The following PCLO variants were observed in gnomAD, a reference collection of about 807,000 sequenced individuals.
PCLO encodes the protein piccolo presynaptic cytomatrix protein.
PCLO carries 82 observed loss-of-function variants against 427.5 expected under a neutral mutation model. The observed-to-expected ratio is 0.19, with a 90% confidence interval of 0.16 to 0.23. The LOEUF is 0.23. Ranked by LOEUF, PCLO falls within the 10% of genes least tolerant of loss-of-function variation. PCLO has a pLI of 1.00. For synonymous variants in PCLO, 2,357 were observed against 2,155.4 expected (o/e 1.09, Z -2.59); for missense variants, 6,239 against 6,115.9 (o/e 1.02, Z -0.67).
intron 3 of PCLO, among the ~76,000 whole-genome samples, chr7:83,019,787 A>G (rs1367606533): frequency 6.6e-6 from 1 of 152,092 alleles, no homozygotes; most frequent in African/African-American, 2.4e-5. Context: ...CACTATTTCT[A>G]CAGAATAAAT....
intron 22 of PCLO, among the ~76,000 whole-genome samples, chr7:82,780,545 GTTTGTT>G (rs1229965632): frequency 6.6e-6 from 1 of 151,150 alleles, no homozygotes; most frequent in Non-Finnish European, 1.5e-5. Flanking sequence ...GTTTGTTTTT[GTTTGTT>G]TGTTTGTTTT....
intron 22 of PCLO, among the ~76,000 whole-genome samples, chr7:82,792,680 A>G (rs1159856427): frequency 1.3e-5 from 2 of 152,120 alleles, no homozygotes; most frequent in Non-Finnish European, 2.9e-5. Context: ...CACATCTCAC[A>G]TATCTCAACC....
At chr7:82,789,402 T>C (rs984950202) in intron 22 of PCLO, among the ~76,000 whole-genome samples, 1 of 152,172 alleles carries the variant, frequency 6.6e-6, no homozygotes, top group African/African-American at 2.4e-5. Flanking sequence ...ATTATCTATA[T>C]AAAGCTAAGA....
intron 3 of PCLO, among the ~76,000 whole-genome samples, chr7:83,024,531 G>A (rs893921396): frequency 6.6e-6 from 1 of 152,118 alleles, no homozygotes; most frequent in Non-Finnish European, 1.5e-5. Flanking sequence ...GCTGGGGGAG[G>A]GGCGCCCGCC....
intron 20 of PCLO, among the ~76,000 whole-genome samples, chr7:82,814,260 T>C (rs1477290480): frequency 2.0e-5 from 3 of 151,574 alleles, no homozygotes; most frequent in African/African-American, 4.8e-5. Context: ...TCTTAATAAT[T>C]ATAAATTAAC....
At chr7:82,806,919 G>C (rs925677565) in intron 20 of PCLO, among the ~76,000 whole-genome samples, 3 of 150,186 alleles carry the variant, frequency 2.0e-5, no homozygotes, top group Non-Finnish European at 4.4e-5. Context: ...CTGTCTTTGA[G>C]CTTAAATAGT....
rs534349637 is a variant in PCLO, at chr7:82,896,857, G to A, written c.13528+5794C>T. On this transcript the variant is annotated intron_variant, in intron 9 of 24. Coordinates refer to ENST00000333891, the MANE Select transcript of PCLO (RefSeq NM_033026.6). ...CTTTTCAAACTTAACAACATTTTTA[G>A]TGTTCTTCACTATTATAATTGCTAA... Among the ~76,000 whole-genome samples, 4 of 151,674 alleles carry A rather than the reference G, an allele frequency of 2.6e-5. No homozygotes were observed. The South Asian group carries it at 8.3e-4, about 31-fold the overall frequency.
At chr7:82,888,827 T>C (rs935851680) in intron 9 of PCLO, among the ~76,000 whole-genome samples, 1 of 152,070 alleles carries the variant, frequency 6.6e-6, no homozygotes, top group African/African-American at 2.4e-5. Context: ...GTTAAGTAGA[T>C]AAGTCACTGA....
Position 82,847,121 on chromosome 7 carries a change from A to G in PCLO, c.13763+18T>C. Reference sequence around the variant, plus strand: ...GGATAGCCAAAAAATGGAAACAGAAAGATGGGGAAAAACTCACAGTCTTAC... The same window carrying G: ...GGATAGCCAAAAAATGGAAACAGAAGGATGGGGAAAAACTCACAGTCTTAC... On this transcript the variant is annotated intron_variant, in intron 11 of 24. Transcript: ENST00000333891. 4 of 1,395,650 alleles carry G rather than the reference A, an allele frequency of 2.9e-6. No individual in the cohort carries two copies. The highest frequency in any genetic ancestry group is 4.0e-6 in the Non-Finnish European group (4 of 990,594). The allele number at this position is 1,395,650 out of a possible 1,614,324, so 86.5% of individuals were successfully genotyped here.
At chr7:82,888,065 A>G (rs1793669882) in intron 9 of PCLO, among the ~76,000 whole-genome samples, 2 of 151,130 alleles carry the variant, frequency 1.3e-5, no homozygotes, top group Admixed American at 1.3e-4. Context: ...GTAAGGCTCC[A>G]CCTCAAAACA....
intron 3 of PCLO, among the ~76,000 whole-genome samples, chr7:83,024,527 G>A (rs1046266021): frequency 2.6e-5 from 4 of 152,168 alleles, no homozygotes; most frequent in African/African-American, 7.2e-5. Flanking sequence ...CCAGGCTGGG[G>A]GAGGGGCGCC....
At chr7:83,113,087 A>T (rs534273686) in intron 3 of PCLO, among the ~76,000 whole-genome samples, 1 of 152,358 alleles carries the variant, frequency 6.6e-6, no homozygotes, top group Admixed American at 6.5e-5. Context: ...ATTGAGCTTT[A>T]GCAAGCGCCA....
At chr7:82,958,624 C>T (rs562669153) in intron 4 of PCLO, among the ~76,000 whole-genome samples, 4 of 152,224 alleles carry the variant, frequency 2.6e-5, no homozygotes, top group African/African-American at 9.6e-5. Flanking sequence ...AAACTAATGC[C>T]TACTCTTCAG....
intron 20 of PCLO, among the ~76,000 whole-genome samples, chr7:82,811,303 A>G (rs1019080592): frequency 9.2e-5 from 14 of 151,496 alleles, no homozygotes; most frequent in Non-Finnish European, 1.2e-4. Flanking sequence ...TTTAGCTAGT[A>G]TTTACTTCAG....
chr7:83,107,856 G>A (rs1324421563), intron 3 of PCLO, among the ~76,000 whole-genome samples: 1 of 151,254 alleles, frequency 6.6e-6, no homozygotes, highest in Non-Finnish European at 1.5e-5. Context: ...GGGCATGGTG[G>A]TGCACACCTG....
chr7:82,974,414 A>G (rs144559946), intron 3 of PCLO, among the ~76,000 whole-genome samples: 187 of 152,312 alleles, frequency 1.2e-3, no homozygotes, highest in African/African-American at 4.5e-3. Flanking sequence ...TTAACTGATC[A>G]TCTACCAGTG....
intron 2 of PCLO, among the ~76,000 whole-genome samples, chr7:83,136,906 CT>C (rs941499132): frequency 6.6e-6 from 1 of 151,848 alleles, no homozygotes; most frequent in South Asian, 2.1e-4. Context: ...TAACATTTAC[CT>C]TTTTTATTAT....
intron 2 of PCLO, 66 bp from the exon 3 acceptor site, chr7:83,135,722 C>A: frequency 1.1e-6 from 1 of 941,912 alleles, no homozygotes; most frequent in Non-Finnish European, 1.6e-6. Context: ...GTTTTCAAAA[C>A]ATGCATACTG....
intron 13 of PCLO, 148 bp from the exon 14 acceptor site, chr7:82,841,657 G>T (rs1487742043): frequency 1.7e-6 from 1 of 603,716 alleles, no homozygotes; most frequent in Admixed American, 3.1e-5. Flanking sequence ...CAGAATAATG[G>T]TGTCTACTTA....
Sources: gnomAD v4.1 joint callset for allele counts (sites outside exome capture counted in the v4.1 genomes callset) on GRCh38, gnomAD v4.1.1 for gene constraint, MANE v1.5 for transcripts, NCBI Gene and HGNC (gene_info 2026-07-23, HGNC 2026-07-21) for gene names.